The following RAB3GAP2 variants were observed in gnomAD, a reference collection of about 807,000 sequenced individuals.
The protein encoded by RAB3GAP2 is rab3 GTPase-activating protein non-catalytic subunit.
RAB3GAP2 carries 87 observed loss-of-function variants against 185.3 expected under a neutral mutation model. The ratio of observed to expected loss-of-function variants is 0.47; its 90% CI spans 0.39 to 0.56. The LOEUF is 0.56. RAB3GAP2 is among the 20% of genes least tolerant of loss of function. The pLI, the probability that RAB3GAP2 is intolerant of heterozygous loss-of-function variation, is 0.00. For missense variants in RAB3GAP2, 1,492 were observed against 1,638.2 expected, an observed-to-expected ratio of 0.91 and a Z score of 1.54; for synonymous variants, 554 against 576.1, an observed-to-expected ratio of 0.96 and a Z score of 0.55.
chr1:220,267,752 C>T (rs967737424), intron 1 of RAB3GAP2: 3 of 1,547,418 alleles, frequency 1.9e-6, no homozygotes, highest in Admixed American at 3.3e-5. Context: ...AAGGAACACG[C>T]TGCGAAGAAT....
chr1:220,213,132 T>C (rs1335253327), intron 3 of RAB3GAP2, among the ~76,000 whole-genome samples, 164 bp from the exon 4 acceptor site: 1 of 152,226 alleles, frequency 6.6e-6, no homozygotes, highest in Non-Finnish European at 1.5e-5. Flanking sequence ...TAAACATGTT[T>C]ATAAGATTCT....
intron 7 of RAB3GAP2, chr1:220,208,278 T>C (rs190582877): frequency 3.7e-4 from 57 of 152,394 alleles, no homozygotes; most frequent in African/African-American, 1.2e-3. Flanking sequence ...TATTTTCAGT[T>C]CACAGATTAT....
chr1:220,244,686 T>A (rs911163433), intron 1 of RAB3GAP2, among the ~76,000 whole-genome samples: 12 of 152,214 alleles, frequency 7.9e-5, no homozygotes, highest in African/African-American at 2.9e-4. Flanking sequence ...CCAAACAGCA[T>A]GGTACTGATG....
rs1262016596 is a variant in RAB3GAP2, at chr1:220,151,253, A to T, written c.4180T>A (p.Ter1394ArgextTer11). Residue 1394 changes from the stop codon to arginine (R), a stop_lost, in exon 35 of 35, where the codon TGA (stop) becomes AGA (arginine). Transcript: ENST00000358951. ...AVEAISLPSL[*>R] is the part of the protein sequence containing the mutation. Reference sequence around the variant, plus strand: ...AGACTATTTCCAGTAGGTAAGTGTCATAAAGAAGGAAGAGATATGGCTTCC... The same window carrying T: ...AGACTATTTCCAGTAGGTAAGTGTCTTAAAGAAGGAAGAGATATGGCTTCC... 1.2e-6 allele frequency: 2 copies of T among 1,613,628 alleles called. No individual in the cohort carries two copies. Among genetic ancestry groups the T allele is most frequent in the Admixed American group, 3.3e-5 (2 of 60,026 alleles).
At chr1:220,261,492 C>T (rs938698034) in intron 1 of RAB3GAP2, among the ~76,000 whole-genome samples, 7 of 152,168 alleles carry the variant, frequency 4.6e-5, no homozygotes. Flanking sequence ...TCCACTTTAC[C>T]CATCACTCCC....
At chr1:220,159,052 C>T (rs780341234) in intron 29 of RAB3GAP2, among the ~76,000 whole-genome samples, 4 of 152,038 alleles carry the variant, frequency 2.6e-5, no homozygotes, top group Admixed American at 1.3e-4. Flanking sequence ...TTCATTTGAA[C>T]CTGCTTCAAT....
At chr1:220,215,038 A>G (rs1659164385) in intron 2 of RAB3GAP2, among the ~76,000 whole-genome samples, 1 of 146,220 alleles carries the variant, frequency 6.8e-6, no homozygotes, top group African/African-American at 2.5e-5. Context: ...TTCCACATGA[A>G]GTTTCTTTAT....
intron 27 of RAB3GAP2, among the ~76,000 whole-genome samples, chr1:220,162,914 C>A (rs1190405749): frequency 1.3e-5 from 2 of 151,908 alleles, no homozygotes; most frequent in East Asian, 3.9e-4. Flanking sequence ...GTATTAAAAA[C>A]AAAATATATA....
chr1:220,271,582 C>T (rs879639034), intron 1 of RAB3GAP2, among the ~76,000 whole-genome samples: 4 of 152,216 alleles, frequency 2.6e-5, no homozygotes, highest in Admixed American at 2.6e-4. Context: ...TGTAGATTCT[C>T]GTTCACTTCC....
chr1:220,189,338 T>C (rs1485471422), intron 17 of RAB3GAP2, among the ~76,000 whole-genome samples: 1 of 151,780 alleles, frequency 6.6e-6, no homozygotes, highest in Non-Finnish European at 1.5e-5. Flanking sequence ...CTGCCTCAGC[T>C]CCTGAGTAGC....
At chr1:220,266,381 T>C (rs138874435) in intron 1 of RAB3GAP2, 7 of 422,216 alleles carry the variant, frequency 1.7e-5, no homozygotes, top group Non-Finnish European at 3.1e-5. Context: ...ACTTTCCCCA[T>C]AGCCAGACTC....
chr1:220,183,304 C>CT (rs1488805850), intron 19 of RAB3GAP2, among the ~76,000 whole-genome samples: 1 of 151,132 alleles, frequency 6.6e-6, no homozygotes, highest in Non-Finnish European at 1.5e-5. Context: ...GCTAGAGTGC[C>CT]TTGGCACAAT....
At chr1:220,214,010 C>CA in intron 2 of RAB3GAP2, 31 bp from the exon 3 acceptor site, 1 of 1,608,824 alleles carries the variant, frequency 6.2e-7, no homozygotes, top group Non-Finnish European at 8.5e-7. Flanking sequence ...ACTGCATATG[C>CA]AAAAATACCA....
rs1393031941 is a variant in RAB3GAP2, at chr1:220,149,993, G to A, written c.*1258C>T. 1 of 151,952 alleles carries A rather than the reference G, an allele frequency of 6.6e-6. No individual in the cohort carries two copies. Among genetic ancestry groups the A allele is most frequent in the African/African-American group, 2.4e-5 (1 of 41,382 alleles). 9.4% of individuals were successfully genotyped at this position (151,952 alleles called of 1,614,324 possible). The stretch of plus-strand genomic sequence containing the variant: ...TGAATAATAATTGTGATCCATGACA[G>A]ATACCCATAATTACACTGTATGGCT... On this transcript the variant is annotated 3_prime_UTR_variant, in exon 35 of 35. Transcript: ENST00000358951.
At chr1:220,270,188 C>T (rs1191196181) in intron 1 of RAB3GAP2, among the ~76,000 whole-genome samples, 3 of 152,164 alleles carry the variant, frequency 2.0e-5, no homozygotes, top group Non-Finnish European at 2.9e-5. Flanking sequence ...TCCTCAGCTC[C>T]GAGGGCCTTA....
chr1:220,213,812 C>T (rs1659131887), intron 3 of RAB3GAP2, 44 bp downstream of exon 3: 1 of 1,579,688 alleles, frequency 6.3e-7, no homozygotes, highest in Non-Finnish European at 8.7e-7. Context: ...CTCTTCTATC[C>T]AATGTATCAA....
At chr1:220,171,817 C>A in intron 23 of RAB3GAP2, 72 bp downstream of exon 23, 1 of 1,595,220 alleles carries the variant, frequency 6.3e-7, no homozygotes, top group Non-Finnish European at 8.6e-7. Flanking sequence ...CCCCGAAAAA[C>A]CCCAGAAAAG....
At chr1:220,233,399 C>T (rs1052758106) in intron 1 of RAB3GAP2, among the ~76,000 whole-genome samples, 1 of 152,148 alleles carries the variant, frequency 6.6e-6, no homozygotes, top group Non-Finnish European at 1.5e-5. Context: ...TATGTTGGAT[C>T]GTCCTCTCAG....
At chr1:220,190,213 T>A (rs1342571800) in intron 15 of RAB3GAP2, 67 bp from the exon 16 acceptor site, 1 of 1,523,808 alleles carries the variant, frequency 6.6e-7, no homozygotes, top group East Asian at 2.3e-5. Flanking sequence ...TCTGACACAC[T>A]CCAACTTTTT....
Sources: gnomAD v4.1 joint callset for allele counts (sites outside exome capture counted in the v4.1 genomes callset) on GRCh38, gnomAD v4.1.1 for gene constraint, MANE v1.5 for transcripts, NCBI Gene and HGNC (gene_info 2026-07-23, HGNC 2026-07-21) for gene names.